Variants in NAV2 observed in about 807,000 individuals in gnomAD.
NAV2 encodes neuron navigator 2.
A neutral mutation model predicts 223.2 loss-of-function variants in NAV2; 54 were observed. That is an observed-to-expected ratio of 0.24 (90% CI 0.19 to 0.30). NAV2 has a LOEUF of 0.30. NAV2 is among the 10% of genes least tolerant of loss of function. The pLI is 1.00. For synonymous variants in NAV2, 1,279 were observed against 1,239.3 expected (o/e 1.03, Z -0.67); for missense variants, 2,806 against 3,147.5 (o/e 0.89, Z 2.60).
chr11:19,985,822 T>C (rs2050748562), intron 11 of NAV2, among the ~76,000 whole-genome samples: 1 of 152,146 alleles, frequency 6.6e-6, no homozygotes, highest in Non-Finnish European at 1.5e-5. Context: ...GTGATCCACC[T>C]GCCTCGGCCT....
At chr11:19,474,682 T>TA (rs1399981726) in intron 1 of NAV2, among the ~76,000 whole-genome samples, 1 of 152,144 alleles carries the variant, frequency 6.6e-6, no homozygotes, top group Non-Finnish European at 1.5e-5. Context: ...TTTGCACAGT[T>TA]AAAAAATCTA....
At chr11:19,638,582 C>T (rs2047569448) in intron 1 of NAV2, among the ~76,000 whole-genome samples, 1 of 152,286 alleles carries the variant, frequency 6.6e-6, no homozygotes, top group Admixed American at 6.5e-5. Context: ...TGCATTAACT[C>T]ATTTTATTAT....
chr11:19,972,237 G>C (rs1024299359), intron 10 of NAV2, among the ~76,000 whole-genome samples: 6 of 152,314 alleles, frequency 3.9e-5, no homozygotes, highest in Admixed American at 1.3e-4. Flanking sequence ...CCTGGAGATA[G>C]GATCATTCCT....
chr11:19,527,546 G>C (rs561222068), intron 1 of NAV2, among the ~76,000 whole-genome samples: 38 of 152,070 alleles, frequency 2.5e-4, no homozygotes, highest in Non-Finnish European at 4.4e-4. Context: ...CAACTTTCCA[G>C]TGGACAGACA....
Position 19,934,180 on chromosome 11 carries a change from C to G in NAV2, c.1936C>G (p.Gln646Glu), listed in dbSNP as rs2045638255. 1 of 1,614,034 alleles carries G rather than the reference C, an allele frequency of 6.2e-7. No homozygotes were observed. The highest frequency in any genetic ancestry group is 8.5e-7 in the Non-Finnish European group (1 of 1,179,980). ...TGTCAGTGGGTCTGTCGGGACCACC[C>G]AGACCACAGGAAGCAATACCGTCAG... Reference protein sequence around the residue: ...QTVSGSVGTTQTTGSNTVSVQ... With the variant: ...QTVSGSVGTTETTGSNTVSVQ... Residue 646 changes from glutamine (Q) to glutamate (E), a missense_variant, in exon 7 of 38, where the codon CAG becomes GAG. Coordinates refer to ENST00000349880, the MANE Select transcript of NAV2 (RefSeq NM_145117.5).
intron 1 of NAV2, among the ~76,000 whole-genome samples, chr11:19,789,693 G>A (rs780171035): frequency 9.9e-5 from 15 of 152,194 alleles, no homozygotes; most frequent in Non-Finnish European, 1.9e-4. Flanking sequence ...AGAATTTATT[G>A]TCCAGTGGAA....
chr11:19,541,669 C>T (rs1014992642), intron 1 of NAV2, among the ~76,000 whole-genome samples: 5 of 152,164 alleles, frequency 3.3e-5, no homozygotes, highest in Admixed American at 2.6e-4. Context: ...GGGCATCAGG[C>T]AGAGCATAGG....
At chr11:19,700,556 G>A (rs1014037329) in intron 1 of NAV2, among the ~76,000 whole-genome samples, 3 of 152,146 alleles carry the variant, frequency 2.0e-5, no homozygotes, top group African/African-American at 7.2e-5. Flanking sequence ...AAGAGCAACC[G>A]AAACCCTGAC....
chr11:19,717,536 G>A (rs2050400875), intron 1 of NAV2, among the ~76,000 whole-genome samples: 1 of 152,244 alleles, frequency 6.6e-6, no homozygotes, highest in Non-Finnish European at 1.5e-5. Context: ...GCAAGGTCAT[G>A]CAGTGGTACC....
intron 1 of NAV2, among the ~76,000 whole-genome samples, chr11:19,764,797 C>A (rs2055070848): frequency 6.6e-6 from 1 of 152,210 alleles, no homozygotes. Context: ...CTTGGTTTCT[C>A]AAGTTCATCT....
intron 32 of NAV2, 53 bp downstream of exon 32, chr11:20,101,225 G>T: frequency 3.7e-6 from 5 of 1,352,626 alleles, no homozygotes; most frequent in East Asian, 2.3e-5. Context: ...CAAAACTGAT[G>T]ATATCACCAC....
chr11:19,457,961 A>C (rs972649440), intron 1 of NAV2, among the ~76,000 whole-genome samples: 1 of 152,198 alleles, frequency 6.6e-6, no homozygotes, highest in Non-Finnish European at 1.5e-5. Context: ...TAGAGAAGAA[A>C]GATGGCAGGG....
rs760116968 is a variant in NAV2, at chr11:20,045,682, C to T, written c.3902+12C>T. 2 of 1,600,160 alleles carry T rather than the reference C, an allele frequency of 1.2e-6. No homozygotes were observed. The highest frequency in any genetic ancestry group is 1.3e-5 in the African/African-American group (1 of 74,768). ...CCCACACTCCGCAGGTAAGTGAGTA[C>T]ATAAATGGTGCAGAGCAGAACCAGA... On this transcript the variant is annotated intron_variant, in intron 14 of 37. Coordinates refer to ENST00000349880, the MANE Select transcript of NAV2 (RefSeq NM_145117.5).
chr11:20,017,466 C>T (rs2054110003), intron 11 of NAV2, among the ~76,000 whole-genome samples: 1 of 152,194 alleles, frequency 6.6e-6, no homozygotes, highest in African/African-American at 2.4e-5. Context: ...CCTTTCCCTA[C>T]CACACTATTT....
chr11:19,713,521 G>A lies in NAV2; in HGVS notation c.-175G>A, dbSNP rs1184627021. On this transcript the variant is annotated 5_prime_UTR_variant, in exon 1 of 38. Transcript: ENST00000349880. The surrounding 1 kb of genome is among the most constrained non-coding windows in gnomAD (Gnocchi z 7.2). Reference sequence around the variant, plus strand: ...ATTCCCATCCCGGCACCCCAAAGGCGCGCTCGCCCGATTGCTTCGAGTTCC... The same window carrying A: ...ATTCCCATCCCGGCACCCCAAAGGCACGCTCGCCCGATTGCTTCGAGTTCC... 4 of 1,392,878 alleles carry A rather than the reference G, an allele frequency of 2.9e-6. No homozygotes were observed. The highest frequency in any genetic ancestry group is 3.7e-6 in the Non-Finnish European group (4 of 1,078,488). The allele number at this position is 1,392,878 out of a possible 1,614,324, so 86.3% of individuals were successfully genotyped here.
intron 1 of NAV2, chr11:19,777,340 C>T (rs1012472968): frequency 1.9e-5 from 5 of 269,416 alleles, no homozygotes; most frequent in Non-Finnish European, 2.9e-5. Context: ...CTGGAGGGGC[C>T]GCGGCCGAGA....
intron 1 of NAV2, among the ~76,000 whole-genome samples, chr11:19,775,672 G>T (rs546785246): frequency 2.0e-5 from 3 of 152,356 alleles, no homozygotes; most frequent in Middle Eastern, 6.8e-3. Flanking sequence ...TAATGGAGTG[G>T]AAGAGAGTGT....
intron 1 of NAV2, among the ~76,000 whole-genome samples, chr11:19,630,555 G>A (rs2047313983): frequency 6.6e-6 from 1 of 152,090 alleles, no homozygotes; most frequent in Non-Finnish European, 1.5e-5. Context: ...TTCTTGCTCT[G>A]TTTTGTCTAC....
chr11:19,845,360 T>C (rs1303386785), intron 3 of NAV2, among the ~76,000 whole-genome samples: 2 of 152,098 alleles, frequency 1.3e-5, no homozygotes, highest in East Asian at 1.9e-4. Flanking sequence ...GGAGAAGATA[T>C]GTAGAAAGCA....
Sources: gnomAD v4.1 joint callset for allele counts (sites outside exome capture counted in the v4.1 genomes callset) on GRCh38, gnomAD v4.1.1 for gene constraint, Gnocchi (gnomAD v3.1) non-coding constraint, MANE v1.5 for transcripts, NCBI Gene and HGNC (gene_info 2026-07-23, HGNC 2026-07-21) for gene names.